The following LYVE1 variants were observed in gnomAD, a reference collection of about 807,000 sequenced individuals.
The protein encoded by LYVE1 is lymphatic vessel endothelial hyaluronan receptor 1.
LYVE1 carries 29 observed loss-of-function variants against 31.5 expected under a neutral mutation model. The observed-to-expected ratio is 0.92, with a 90% CI of 0.69 to 1.26. The LOEUF is 1.26. Among genes scored for constraint, LYVE1 ranks in the 50% most tolerant of loss-of-function variants. The pLI is 0.00. For synonymous variants in LYVE1, 134 were observed against 139.4 expected (o/e 0.96, Z 0.27); for missense variants, 376 against 380.2 (o/e 0.99, Z 0.09).
chr11:10,567,962 AT>A (rs1486352647), intron 1 of LYVE1, among the ~76,000 whole-genome samples: 3 of 152,134 alleles, frequency 2.0e-5, no homozygotes, highest in Admixed American at 6.5e-5. Context: ...ATTGCTTTAA[AT>A]TTTTTACAAT....
At chr11:10,559,677 A>T in intron 5 of LYVE1, 139 bp downstream of exon 5, 1 of 663,932 alleles carries the variant, frequency 1.5e-6, no homozygotes, top group Non-Finnish European at 2.6e-6. Context: ...GAAGGGAAAG[A>T]GATGAGATGA....
chr11:10,565,147 A>T (rs1361856573), intron 1 of LYVE1, among the ~76,000 whole-genome samples: 1 of 152,214 alleles, frequency 6.6e-6, no homozygotes, highest in African/African-American at 2.4e-5. Flanking sequence ...AGTAAATTCT[A>T]ATACAAATGT....
At position 10,558,365 on chromosome 11, in the gene LYVE1, A is replaced by G. The variant is rs1172032985; in HGVS notation, c.*746T>C. ...AGAGTTTTTATTTTTGTTACTTGTA[A>G]AAGTATATTTCCTAGAGAAAATATC... On this transcript the variant is annotated 3_prime_UTR_variant, in exon 6 of 6. Transcript: ENST00000256178. The G allele has an allele frequency of 6.6e-6, 1 of 152,226 alleles. No homozygotes were observed. Among genetic ancestry groups the G allele is most frequent in the Non-Finnish European group, 1.5e-5 (1 of 68,044 alleles). 9.4% of individuals were successfully genotyped at this position (152,226 alleles called of 1,614,324 possible).
intron 3 of LYVE1, among the ~76,000 whole-genome samples, chr11:10,561,870 G>A (rs1165129201): frequency 2.0e-5 from 3 of 152,126 alleles, no homozygotes; most frequent in Admixed American, 1.3e-4. Flanking sequence ...ACCTAACGTA[G>A]GTGACGGGTT....
intron 3 of LYVE1, among the ~76,000 whole-genome samples, chr11:10,561,618 T>C (rs1400915300): frequency 6.6e-6 from 1 of 152,234 alleles, no homozygotes. Flanking sequence ...ACCATGGCAG[T>C]AAGTGTTTAA....
intron 1 of LYVE1, 111 bp downstream of exon 1, chr11:10,568,337 C>T (rs1564880291): frequency 3.0e-6 from 3 of 999,200 alleles, no homozygotes; most frequent in Admixed American, 2.6e-5. Context: ...ACCAATTAGA[C>T]CTGCTGTTGA....
At chr11:10,566,709 A>G (rs1850550858) in intron 1 of LYVE1, among the ~76,000 whole-genome samples, 1 of 152,168 alleles carries the variant, frequency 6.6e-6, no homozygotes, top group Non-Finnish European at 1.5e-5. Flanking sequence ...TTCTAGGTGG[A>G]TAGACTTAGC....
chr11:10,561,078 C>G (rs1389423686), intron 3 of LYVE1, among the ~76,000 whole-genome samples: 3 of 152,188 alleles, frequency 2.0e-5, no homozygotes, highest in African/African-American at 7.2e-5. Flanking sequence ...CTTGAAATTC[C>G]TTGATACACT....
At chr11:10,566,482 C>A (rs1413091690) in intron 1 of LYVE1, among the ~76,000 whole-genome samples, 2 of 152,162 alleles carry the variant, frequency 1.3e-5, no homozygotes. Context: ...CACACAGACA[C>A]ACACACACCC....
chr11:10,561,362 T>A (rs1365249486), intron 3 of LYVE1, among the ~76,000 whole-genome samples: 1 of 152,154 alleles, frequency 6.6e-6, no homozygotes, highest in Admixed American at 6.5e-5. Context: ...ACATAGCACA[T>A]GCTCAATAAC....
chr11:10,557,594 C>G lies in LYVE1; in HGVS notation c.*1517G>C, dbSNP rs1019123061. 2 of 152,180 alleles carry G rather than the reference C, an allele frequency of 1.3e-5. No individual in the cohort carries two copies. The highest frequency in any genetic ancestry group is 3.2e-3 in the Middle Eastern group (1 of 316). The allele number at this position is 152,180 out of a possible 1,614,324, so 9.4% of individuals were successfully genotyped here. The stretch of plus-strand genomic sequence containing the variant: ...GTGAGACGAATGAGCCATCCTGGAT[C>G]TCTGGCTCCCTGGTGAATTCTGAAA... On this transcript the variant is annotated 3_prime_UTR_variant, in exon 6 of 6. Coordinates refer to ENST00000256178, the MANE Select transcript of LYVE1 (RefSeq NM_006691.4).
At position 10,559,011 on chromosome 11, in the gene LYVE1, T is replaced by C. The variant is rs1850363093; in HGVS notation, c.*100A>G. 8.9e-7 allele frequency: 1 copy of C among 1,128,526 alleles called. No homozygotes were observed. The highest frequency in any genetic ancestry group is 1.3e-6 in the Non-Finnish European group (1 of 780,028). The allele number at this position is 1,128,526 out of a possible 1,614,324, so 69.9% of individuals were successfully genotyped here. A position where few individuals can be genotyped will look rare whatever the true frequency, so the allele number is the denominator to read the frequency against. On this transcript the variant is annotated 3_prime_UTR_variant, in exon 6 of 6. Coordinates refer to ENST00000256178, the MANE Select transcript of LYVE1 (RefSeq NM_006691.4). ...CCAGTTAGGAACCAAGGGTGGACTT[T>C]CTTCTTTGGTTCTTTGGCCCTTTTG...
intron 1 of LYVE1, among the ~76,000 whole-genome samples, chr11:10,565,913 C>T (rs1316524838): frequency 2.0e-5 from 3 of 151,958 alleles, no homozygotes; most frequent in South Asian, 2.1e-4. Context: ...TGGGTTCAAG[C>T]GATTCTCCTG....
At chr11:10,561,691 G>C (rs1417604999) in intron 3 of LYVE1, among the ~76,000 whole-genome samples, 1 of 152,196 alleles carries the variant, frequency 6.6e-6, no homozygotes, top group Non-Finnish European at 1.5e-5. Context: ...CTGAAGTTTA[G>C]AGAAATTGAA....
At position 10,559,039 on chromosome 11, in the gene LYVE1, T is replaced by C; in HGVS notation, c.*72A>G. 1 of 1,428,880 alleles carries C rather than the reference T, an allele frequency of 7.0e-7. No homozygotes were observed. Among genetic ancestry groups the C allele is most frequent in the Non-Finnish European group, 9.6e-7 (1 of 1,044,918 alleles). The allele number at this position is 1,428,880 out of a possible 1,614,324, so 88.5% of individuals were successfully genotyped here. A position where few individuals can be genotyped will look rare whatever the true frequency, so the allele number is the denominator to read the frequency against. On this transcript the variant is annotated 3_prime_UTR_variant, in exon 6 of 6. Coordinates refer to ENST00000256178, the MANE Select transcript of LYVE1 (RefSeq NM_006691.4). ...TCTTTGGTTCTTTGGCCCTTTTGAT[T>C]TCCCCAGCTGGGGCAGGGTAAGGAG... is the stretch of plus-strand genomic sequence containing the variant.
chr11:10,563,946 A>AGTT lies in LYVE1; in HGVS notation c.388_390dup (p.Asn130dup). On this transcript the variant is annotated inframe_insertion, in exon 3 of 6. Coordinates refer to ENST00000256178, the MANE Select transcript of LYVE1 (RefSeq NM_006691.4). ...GGTTGCAGATCAGACTCACCAGATG[A>AGTT]GTTGTAACAATAGGCTGCAAACTGT... 1 of 1,614,168 alleles carries AGTT rather than the reference A, an allele frequency of 6.2e-7. No homozygotes were observed. Among genetic ancestry groups the AGTT allele is most frequent in the Non-Finnish European group, 8.5e-7 (1 of 1,180,030 alleles).
At chr11:10,563,102 T>C (rs930832388) in intron 3 of LYVE1, among the ~76,000 whole-genome samples, 5 of 152,012 alleles carry the variant, frequency 3.3e-5, no homozygotes, top group East Asian at 1.9e-4. Flanking sequence ...TACAGGTGCC[T>C]GCCACCACGC....
chr11:10,558,215 A>G lies in LYVE1; in HGVS notation c.*896T>C, dbSNP rs1343160983. 1.3e-5 allele frequency: 2 copies of G among 152,244 alleles called. No individual in the cohort carries two copies. Among genetic ancestry groups the G allele is most frequent in the African/African-American group, 2.4e-5 (1 of 41,470 alleles). The allele number at this position is 152,244 out of a possible 1,614,324, so 9.4% of individuals were successfully genotyped here. On this transcript the variant is annotated 3_prime_UTR_variant, in exon 6 of 6. Coordinates refer to ENST00000256178, the MANE Select transcript of LYVE1 (RefSeq NM_006691.4). ...TCAATTACAGAGTGTAATACCTTGC[A>G]CAGCACTTGACATATAGTAGCTATT...
intron 1 of LYVE1, among the ~76,000 whole-genome samples, chr11:10,565,877 C>G (rs978367186): frequency 1.4e-4 from 22 of 151,792 alleles, no homozygotes; most frequent in African/African-American, 5.3e-4. Flanking sequence ...ATAGCGTGAT[C>G]TCGGCTCACT....
Sources: gnomAD v4.1 joint callset for allele counts (sites outside exome capture counted in the v4.1 genomes callset) on GRCh38, gnomAD v4.1.1 for gene constraint, MANE v1.5 for transcripts, NCBI Gene and HGNC (gene_info 2026-07-23, HGNC 2026-07-21) for gene names.